TRMT44: variants seen among roughly 807,000 people sequenced by gnomAD.
The protein encoded by TRMT44 is tRNA methyltransferase 44 homolog.
In TRMT44, 78 loss-of-function variants were observed where a neutral mutation model predicts 77.3. That is an observed-to-expected ratio of 1.01 (90% CI 0.84 to 1.22). TRMT44 has a LOEUF of 1.22. TRMT44 is among the 50% of genes most tolerant of loss of function. The probability of loss-of-function intolerance (pLI) is 0.00; values close to 1 mark genes in which losing one functional copy is unlikely to be tolerated. For synonymous variants in TRMT44, 391 were observed against 383.3 expected (o/e 1.02, Z -0.23); for missense variants, 1,090 against 964.4 (o/e 1.13, Z -1.73).
At chr4:8,486,632 C>T (rs963977753) in intron 2 of TRMT44, among the ~76,000 whole-genome samples, 7 of 151,720 alleles carry the variant, frequency 4.6e-5, no homozygotes, top group African/African-American at 9.7e-5. Flanking sequence ...CCAAACGAGC[C>T]GTGAACTGGG....
At chr4:8,468,936 AGAGGGTGG>A (rs1726793643) in intron 9 of TRMT44, among the ~76,000 whole-genome samples, 1 of 152,246 alleles carries the variant, frequency 6.6e-6, no homozygotes, top group South Asian at 2.1e-4. Context: ...CTTGGCCGCC[AGAGGGTGG>A]TGTAGAGCTG....
rs1200963148 is a variant in TRMT44, at chr4:8,446,545, T to G, written c.689T>G (p.Met230Arg). Residue 230 changes from methionine (M) to arginine (R), a missense_variant, in exon 2 of 11, where the codon ATG becomes AGG. Transcript: ENST00000389737. The surrounding 1 kb of genome is among the most constrained non-coding windows in gnomAD (Gnocchi z 4.3). Reference protein sequence around the residue: ...EDDEGNLKVKMSNVYQIQLSH... With the variant: ...EDDEGNLKVKRSNVYQIQLSH... Reference sequence around the variant, plus strand: ...GATGAGGGGAACCTAAAGGTTAAGATGAGCAATGTGTATCAAATTCAGCTC... The same window carrying G: ...GATGAGGGGAACCTAAAGGTTAAGAGGAGCAATGTGTATCAAATTCAGCTC... 1 of 1,536,266 alleles carries G rather than the reference T, an allele frequency of 6.5e-7. No individual in the cohort carries two copies. Among genetic ancestry groups the G allele is most frequent in the Non-Finnish European group, 8.7e-7 (1 of 1,146,932 alleles).
chr4:8,499,730 A>G, the TRMT44 span, among the ~76,000 whole-genome samples: 1 of 152,148 alleles, frequency 6.6e-6, no homozygotes, highest in Non-Finnish European at 1.5e-5. Context: ...GGGCAGAAAG[A>G]GGGGGATCAC....
intron 10 of TRMT44, among the ~76,000 whole-genome samples, chr4:8,474,111 A>G (rs1045004907): frequency 4.0e-5 from 6 of 151,864 alleles, no homozygotes; most frequent in African/African-American, 1.5e-4. Flanking sequence ...TCTGAGGGGA[A>G]TCTGTACTCA....
Position 8,467,964 on chromosome 4 carries a change from C to T in TRMT44, c.1545C>T (p.Ser515=), listed in dbSNP as rs779664247. The T allele has an allele frequency of 1.1e-5, 18 of 1,613,740 alleles. No homozygotes were observed. Among genetic ancestry groups the T allele is most frequent in the African/African-American group, 2.7e-5 (2 of 74,916 alleles). Residue 515 remains serine (S), a synonymous_variant, in exon 9 of 11, where the codon TCC becomes TCT. Transcript: ENST00000389737. ...CATACCCTTCCTCCAGAGAAGCTTC[C>T]GTGGATGAAAAGAGGACTCAGTACA... The part of the protein sequence containing the change: ...SRTYPSSREA[S]VDEKRTQYIK...
chr4:8,488,906 C>T (rs189943330), intron 2 of TRMT44, among the ~76,000 whole-genome samples: 81 of 152,220 alleles, frequency 5.3e-4, no homozygotes, highest in East Asian at 2.9e-3. Context: ...GGAACCACTG[C>T]GACGAAGGGA....
At chr4:8,498,631 C>T in the TRMT44 span, among the ~76,000 whole-genome samples, 1 of 152,206 alleles carries the variant, frequency 6.6e-6, no homozygotes, top group Non-Finnish European at 1.5e-5. This position sits in a 1 kb window ranked among gnomAD's most constrained non-coding sequence, Gnocchi z 4.3. Flanking sequence ...TGCGGTGTCT[C>T]CCCCTGCCAG....
chr4:8,469,796 C>T (rs546316827), intron 9 of TRMT44, among the ~76,000 whole-genome samples: 7 of 152,388 alleles, frequency 4.6e-5, no homozygotes, highest in South Asian at 2.1e-4. Context: ...CGCCCACAGG[C>T]GGCCTTCAGG....
Position 8,452,681 on chromosome 4 carries a change from C to G in TRMT44, c.1024-201C>G, listed in dbSNP as rs965577619. Among the ~76,000 whole-genome samples the G allele has an allele frequency of 5.9e-5, 9 of 151,536 alleles. No individual in the cohort carries two copies. The highest frequency in any genetic ancestry group is 1.2e-4 in the Non-Finnish European group (8 of 67,974). Reference sequence around the variant, plus strand: ...CCCAGGAGGCGGAGGTTGCAGTGACCAGAGATTGCATCATTGCACTCTAGC... The same window carrying G: ...CCCAGGAGGCGGAGGTTGCAGTGACGAGAGATTGCATCATTGCACTCTAGC... On this transcript the variant is annotated intron_variant, in intron 4 of 10. Transcript: ENST00000389737. This position sits in a 1 kb window ranked among gnomAD's most constrained non-coding sequence, Gnocchi z 5.7.
chr4:8,506,704 C>T, the TRMT44 span: 39,855 of 152,290 alleles, frequency 0.26, 5,887 homozygotes, highest in Admixed American at 0.38. Flanking sequence ...AGCCCCTGGG[C>T]GGAAGGAGGC....
the TRMT44 span, chr4:8,510,297 C>A: frequency 6.5e-5 from 10 of 152,734 alleles, no homozygotes; most frequent in Admixed American, 3.9e-4. Flanking sequence ...GGCTAGGGAA[C>A]CTTCCTCCAT....
chr4:8,460,986 C>T (rs934783899), intron 6 of TRMT44, among the ~76,000 whole-genome samples: 7 of 152,004 alleles, frequency 4.6e-5, no homozygotes, highest in African/African-American at 1.4e-4. Flanking sequence ...TAGCTGGGGC[C>T]GCAGGTGCAC....
intron 8 of TRMT44, among the ~76,000 whole-genome samples, chr4:8,466,732 T>G (rs1004354794): frequency 2.0e-5 from 3 of 152,308 alleles, no homozygotes; most frequent in African/African-American, 7.2e-5. Context: ...TACTAATTGG[T>G]AGAGACCGTG....
downstream of TRMT44, chr4:8,476,587 A>AG (rs1480399169): frequency 2.0e-5 from 3 of 153,500 alleles, no homozygotes; most frequent in Non-Finnish European, 4.3e-5. Context: ...TGAAAAAAAA[A>AG]TCCTAAGTGA....
At chr4:8,510,114 C>T in the TRMT44 span, 1 of 152,558 alleles carries the variant, frequency 6.6e-6, no homozygotes, top group African/African-American at 2.4e-5. Flanking sequence ...CAACAAATCA[C>T]CAGGACCTCA....
chr4:8,468,377 A>T, intron 9 of TRMT44, 31 bp downstream of exon 9: 1 of 1,601,602 alleles, frequency 6.2e-7, no homozygotes, highest in South Asian at 1.1e-5. Context: ...GGGAGGGGCT[A>T]GCACGCTCCC....
At chr4:8,448,793 G>A (rs1725229925) in intron 2 of TRMT44, among the ~76,000 whole-genome samples, 2 of 152,222 alleles carry the variant, frequency 1.3e-5, no homozygotes, top group Admixed American at 6.5e-5. Context: ...CTCACCAGAC[G>A]GACCACTTGC....
At chr4:8,462,280 G>A (rs930959162) in intron 6 of TRMT44, among the ~76,000 whole-genome samples, 4 of 152,128 alleles carry the variant, frequency 2.6e-5, no homozygotes, top group East Asian at 1.9e-4. Flanking sequence ...GTGAGATGGC[G>A]CATGCCTGTA....
At position 8,451,362 on chromosome 4, in the gene TRMT44, T is replaced by G. The variant is rs945446956; in HGVS notation, c.955-598T>G. On this transcript the variant is annotated intron_variant, in intron 3 of 10. Transcript: ENST00000389737. This position sits in a 1 kb window ranked among gnomAD's most constrained non-coding sequence, Gnocchi z 4.1. Reference sequence around the variant, plus strand: ...GTGACTGGAAATAGAAATTTCAACTTTTAACATTGGCCATTGGTTTTTCCT... The same window carrying G: ...GTGACTGGAAATAGAAATTTCAACTGTTAACATTGGCCATTGGTTTTTCCT... 1.3e-5 allele frequency among the ~76,000 whole-genome samples: 2 copies of G among 152,244 alleles called. No individual in the cohort carries two copies. The highest frequency in any genetic ancestry group is 2.9e-5 in the Non-Finnish European group (2 of 68,044).
Sources: gnomAD v4.1 joint callset for allele counts (sites outside exome capture counted in the v4.1 genomes callset) on GRCh38, gnomAD v4.1.1 for gene constraint, Gnocchi (gnomAD v3.1) non-coding constraint, MANE v1.5 for transcripts, NCBI Gene and HGNC (gene_info 2026-07-23, HGNC 2026-07-21) for gene names.